The following ARHGEF3 variants were observed in gnomAD, a reference collection of about 807,000 sequenced individuals.
ARHGEF3 encodes 59.8 kDA protein.
In ARHGEF3, 28 loss-of-function variants were observed where a neutral mutation model predicts 63.2. The observed-to-expected ratio is 0.44, with a 90% confidence interval of 0.33 to 0.61. The LOEUF is 0.61. Ranked by LOEUF, ARHGEF3 falls within the 20% of genes least tolerant of loss-of-function variation. The pLI is 0.03. For synonymous variants in ARHGEF3, 266 were observed against 254.2 expected, an observed-to-expected ratio of 1.05 and a Z score of -0.44; for missense variants, 533 against 659.3, an observed-to-expected ratio of 0.81 and a Z score of 2.10.
At chr3:56,923,862 T>C (rs2042213188) in intron 3 of ARHGEF3, among the ~76,000 whole-genome samples, 2 of 152,136 alleles carry the variant, frequency 1.3e-5, no homozygotes, top group Admixed American at 6.5e-5. Flanking sequence ...CACTGGAAAA[T>C]AGCAAACCAA....
intron 1 of ARHGEF3, among the ~76,000 whole-genome samples, chr3:57,039,465 T>A (rs1704090240): frequency 1.3e-5 from 2 of 152,168 alleles, no homozygotes; most frequent in South Asian, 4.1e-4. Flanking sequence ...TAGAATGTCC[T>A]CAGTAGCACC....
Position 56,936,796 on chromosome 3 carries a change from T to C in ARHGEF3, c.129+22027A>G, listed in dbSNP as rs182788915. Among the ~76,000 whole-genome samples, 4 of 152,268 alleles carry C rather than the reference T, an allele frequency of 2.6e-5. No individual in the cohort carries two copies. The East Asian group carries it at 7.7e-4, about 29-fold the overall frequency. Reference sequence around the variant, plus strand: ...CTGCAGTCGCACAATCACAGCTCACTGCAGCCTCCAACTCCAGAGCTCAAG... The same window carrying C: ...CTGCAGTCGCACAATCACAGCTCACCGCAGCCTCCAACTCCAGAGCTCAAG... On this transcript the variant is annotated intron_variant, in intron 3 of 12. Coordinates refer to the ARHGEF3 transcript ENST00000338458.
chr3:57,035,158 T>C, exon 2 of ARHGEF3: 1 of 1,519,916 alleles, frequency 6.6e-7, no homozygotes, highest in South Asian at 1.3e-5. Context: ...ATAGACTCAG[T>C]ATGGCAGGCT....
chr3:56,922,099 T>G, intron 3 of ARHGEF3, among the ~76,000 whole-genome samples: 1 of 149,748 alleles, frequency 6.7e-6, no homozygotes. Flanking sequence ...GGAAAGCTGA[T>G]GTATGCTGTG....
chr3:57,066,538 T>C (rs1485285977), intron 1 of ARHGEF3, among the ~76,000 whole-genome samples: 1 of 152,188 alleles, frequency 6.6e-6, no homozygotes, highest in South Asian at 2.1e-4. Context: ...GCTGGGACTA[T>C]TGGCGTGAGC....
At chr3:56,849,422 GCTTTGATCCACTTTCTTCACCT>G (rs2039597483) in intron 4 of ARHGEF3, among the ~76,000 whole-genome samples, 1 of 152,138 alleles carries the variant, frequency 6.6e-6, no homozygotes, top group Non-Finnish European at 1.5e-5. Context: ...TAAAGATACA[GCTTTGATCCACTTTCTTCACCT>G]CTTCCAGCTT....
chr3:57,034,990 G>T, intron 2 of ARHGEF3: 1 of 1,031,052 alleles, frequency 9.7e-7, no homozygotes, highest in South Asian at 1.7e-5. Flanking sequence ...GGCCTCTACT[G>T]ACTTATGTAG....
At chr3:56,909,318 G>C (rs2041790800) in intron 3 of ARHGEF3, among the ~76,000 whole-genome samples, 1 of 152,370 alleles carries the variant, frequency 6.6e-6, no homozygotes, top group Non-Finnish European at 1.5e-5. Flanking sequence ...CTTAGTATGT[G>C]TGGGTGCTTG....
intron 1 of ARHGEF3, among the ~76,000 whole-genome samples, chr3:57,041,774 C>G (rs559748583): frequency 5.3e-5 from 8 of 152,068 alleles, no homozygotes; most frequent in African/African-American, 1.9e-4. Context: ...AGGGAGAGAG[C>G]GGGATACATT....
chr3:56,763,747 T>C (rs1302435944), intron 2 of ARHGEF3, among the ~76,000 whole-genome samples: 1 of 150,872 alleles, frequency 6.6e-6, no homozygotes, highest in Non-Finnish European at 1.5e-5. Flanking sequence ...TTTTATTTTA[T>C]TTTTTTTTGT....
chr3:56,960,164 A>G (rs1441119916), intron 2 of ARHGEF3, among the ~76,000 whole-genome samples: 3 of 152,238 alleles, frequency 2.0e-5, no homozygotes, highest in African/African-American at 7.2e-5. Flanking sequence ...CAAGGTAATT[A>G]CAATAATAGC....
intron 1 of ARHGEF3, among the ~76,000 whole-genome samples, chr3:57,070,971 C>CAAAAAAAA (rs1231328722): frequency 6.1e-5 from 3 of 49,508 alleles, no homozygotes; most frequent in Non-Finnish European, 9.1e-5. Flanking sequence ...GACTCTGTCA[C>CAAAAAAAA]AAAAAAAAAA....
chr3:56,961,485 C>T (rs1014052031), intron 2 of ARHGEF3, among the ~76,000 whole-genome samples: 8 of 152,142 alleles, frequency 5.3e-5, no homozygotes, highest in South Asian at 2.1e-4. Context: ...AAGCATACCC[C>T]TGAAAGAAAG....
At chr3:57,079,115 C>T (rs1706347584) in intron 1 of ARHGEF3, 1 of 344,824 alleles carries the variant, frequency 2.9e-6, no homozygotes, top group Non-Finnish European at 5.3e-6. Context: ...GGGACTAGAC[C>T]GGAAGACGGT....
intron 1 of ARHGEF3, among the ~76,000 whole-genome samples, chr3:57,050,174 G>A (rs1044931261): frequency 6.6e-6 from 1 of 152,074 alleles, no homozygotes; most frequent in Non-Finnish European, 1.5e-5. Flanking sequence ...CTGCTAACAC[G>A]TTCTCCATTA....
intron 2 of ARHGEF3, among the ~76,000 whole-genome samples, chr3:57,015,252 CTAGAGA>C (rs1702942927): frequency 1.3e-5 from 2 of 152,176 alleles, no homozygotes; most frequent in African/African-American, 4.8e-5. Flanking sequence ...CTAATCTGAC[CTAGAGA>C]TAAACTTCTT....
intron 2 of ARHGEF3, among the ~76,000 whole-genome samples, chr3:56,966,538 G>A (rs1225512881): frequency 6.6e-6 from 1 of 152,186 alleles, no homozygotes; most frequent in Non-Finnish European, 1.5e-5. Context: ...ATGAGATGAG[G>A]CTGGATAGGT....
intron 3 of ARHGEF3, among the ~76,000 whole-genome samples, chr3:56,910,185 C>T (rs1020273573): frequency 9.2e-5 from 14 of 152,162 alleles, no homozygotes; most frequent in African/African-American, 2.4e-4. Context: ...GCTTTTCTTA[C>T]TTTTAAGATG....
chr3:56,755,134 G>T lies in ARHGEF3; in HGVS notation c.222C>A (p.Arg74=). ...CGAGGATGTCAGGGCGGCTCTCACT[G>T]CGGAAGCTAATGGAGCGCTAAACAA... The part of the protein sequence containing the change: ...SQTLQRSISF[R]SESRPDILAP... Residue 74 remains arginine (R), a synonymous_variant, in exon 3 of 10, where the codon CGC becomes CGA. Transcript: ENST00000296315. 1 of 1,613,686 alleles carries T rather than the reference G, an allele frequency of 6.2e-7. No individual in the cohort carries two copies. Among genetic ancestry groups the T allele is most frequent in the Non-Finnish European group, 8.5e-7 (1 of 1,180,018 alleles).
Sources: gnomAD v4.1 joint callset for allele counts (sites outside exome capture counted in the v4.1 genomes callset) on GRCh38, gnomAD v4.1.1 for gene constraint, MANE v1.5 for transcripts, NCBI Gene and HGNC (gene_info 2026-07-23, HGNC 2026-07-21) for gene names.